The following SLC8B1 variants were observed in gnomAD, a reference collection of about 807,000 sequenced individuals.
SLC8B1 encodes mitochondrial sodium/calcium exchanger protein.
A neutral mutation model predicts 63.4 loss-of-function variants in SLC8B1; 52 were observed. The ratio of observed to expected loss-of-function variants is 0.82; its 90% CI spans 0.66 to 1.03. The LOEUF (loss-of-function observed/expected upper bound fraction) is 1.03. Among genes scored for constraint, SLC8B1 ranks in the 50% least tolerant of loss-of-function variants. The probability of loss-of-function intolerance (pLI) is 0.00; values close to 1 mark genes in which losing one functional copy is unlikely to be tolerated. For missense variants in SLC8B1, 657 were observed against 741.7 expected (o/e 0.89, Z 1.33); for synonymous variants, 336 against 323.9 (o/e 1.04, Z -0.40).
At chr12:113,302,714 A>T (rs1243541592) in intron 15 of SLC8B1, 2 of 455,968 alleles carry the variant, frequency 4.4e-6, no homozygotes, top group East Asian at 1.4e-4. Context: ...CAACCCACAG[A>T]TGAAGAAACT....
At chr12:113,323,607 G>A (rs569111855) in intron 2 of SLC8B1, among the ~76,000 whole-genome samples, 2 of 152,220 alleles carry the variant, frequency 1.3e-5, no homozygotes, top group East Asian at 3.9e-4. Context: ...TACTCAGGAG[G>A]CTGAAGCAGG....
At chr12:113,302,758 C>T (rs1956607875) in intron 15 of SLC8B1, 1 of 455,952 alleles carries the variant, frequency 2.2e-6, no homozygotes, top group Non-Finnish European at 4.4e-6. Context: ...AATCCAAGTG[C>T]AAGCTCTTAA....
intron 15 of SLC8B1, among the ~76,000 whole-genome samples, chr12:113,303,088 T>A (rs1234102350): frequency 8.5e-6 from 1 of 117,584 alleles, no homozygotes; most frequent in African/African-American, 3.8e-5. Flanking sequence ...ACACACACAC[T>A]TCCTAAACTC....
In SLC8B1 at chr12:113,307,384, C is replaced by T. The variant is rs1272378247; in HGVS notation, c.1411+307G>A. Among the ~76,000 whole-genome samples, 3 of 152,180 alleles carry T rather than the reference C, an allele frequency of 2.0e-5. No homozygotes were observed. The East Asian group carries it at 5.8e-4, about 29-fold the overall frequency. On this transcript the variant is annotated intron_variant, in intron 13 of 15. Coordinates refer to ENST00000680972, the MANE Select transcript of SLC8B1 (RefSeq NM_001358345.2). ...TGTGAATGCCTGCATGTCACACACC[C>T]GTGTACACATCAAGCACGGCCGGCT...
At chr12:113,307,135 A>C (rs1443286283) in intron 13 of SLC8B1, among the ~76,000 whole-genome samples, 4 of 146,042 alleles carry the variant, frequency 2.7e-5, no homozygotes, top group Middle Eastern at 3.5e-3. Context: ...AAAAAAAAAA[A>C]AAAAAAAAAA....
Position 113,320,775 on chromosome 12 carries a change from T to TA in SLC8B1, c.420+74dup. 6.3e-7 allele frequency: 1 copy of TA among 1,575,920 alleles called. No individual in the cohort carries two copies. Among genetic ancestry groups the TA allele is most frequent in the Non-Finnish European group, 8.6e-7 (1 of 1,160,018 alleles). On this transcript the variant is annotated intron_variant, in intron 5 of 15. Transcript: ENST00000680972. The surrounding 1 kb of genome is among the most constrained non-coding windows in gnomAD (Gnocchi z 5.3). ...ATCCCCCAGCTTCCCCACACGGGGA[T>TA]AGACATGACCCTATCTCCCAGCCTC...
rs1041568467 is a variant in SLC8B1 at position 113,310,244 on chromosome 12, C to T, written c.1247G>A (p.Arg416Lys). Residue 416 changes from arginine to lysine, a missense_variant, in exon 12 of 16, where the codon AGG becomes AAG. Transcript: ENST00000680972. ...FFATSDSQPPRLHWLFAFLGF... is the reference protein window; with the variant it reads ...FFATSDSQPPKLHWLFAFLGF... ...ACCCGGGCTTCTTACCCAGTGAAGCCTGGGGGGCTGGCTGTCAGATGTGGC... is the reference window on the plus strand; with the variant it reads ...ACCCGGGCTTCTTACCCAGTGAAGCTTGGGGGGCTGGCTGTCAGATGTGGC... The T allele has an allele frequency of 3.1e-6, 5 of 1,613,670 alleles. No individual in the cohort carries two copies. Among genetic ancestry groups the T allele is most frequent in the Admixed American group, 1.7e-5 (1 of 59,944 alleles).
chr12:113,311,738 G>A (rs1956765460), intron 11 of SLC8B1, among the ~76,000 whole-genome samples: 1 of 120,670 alleles, frequency 8.3e-6, no homozygotes, highest in Non-Finnish European at 1.6e-5. Context: ...GGGTCTCGAT[G>A]TATCAACCAG....
intron 8 of SLC8B1, among the ~76,000 whole-genome samples, chr12:113,318,123 ATC>A (rs1280097092): frequency 5.3e-5 from 8 of 151,506 alleles, no homozygotes; most frequent in Non-Finnish European, 1.2e-4. Context: ...TGTGTTGTGT[ATC>A]TGTGTATGTT....
intron 2 of SLC8B1, among the ~76,000 whole-genome samples, chr12:113,325,937 A>T (rs1197510118): frequency 6.6e-6 from 1 of 152,108 alleles, no homozygotes; most frequent in Non-Finnish European, 1.5e-5. Context: ...CATTTGTGTT[A>T]ATGGCTGCTT....
At chr12:113,329,362 C>T (rs1174044062) in intron 2 of SLC8B1, among the ~76,000 whole-genome samples, 3 of 152,164 alleles carry the variant, frequency 2.0e-5, no homozygotes, top group African/African-American at 7.2e-5. Context: ...CAGGGGCAGC[C>T]TCCATTTCCT....
At chr12:113,321,458 C>T (rs1476352921) in intron 2 of SLC8B1, 110 bp from the exon 3 acceptor site, 3 of 1,421,570 alleles carry the variant, frequency 2.1e-6, no homozygotes, top group Non-Finnish European at 2.9e-6. Flanking sequence ...TCTCCAAGGC[C>T]ACCATACCCT....
intron 2 of SLC8B1, among the ~76,000 whole-genome samples, chr12:113,322,494 C>G (rs1481987891): frequency 1.3e-5 from 2 of 152,190 alleles, no homozygotes; most frequent in African/African-American, 4.8e-5. Context: ...ACATGACTCT[C>G]TGAGCACATA....
intron 1 of SLC8B1, among the ~76,000 whole-genome samples, chr12:113,333,518 C>T (rs922604700): frequency 7.2e-5 from 11 of 152,130 alleles, no homozygotes; most frequent in African/African-American, 1.9e-4. Context: ...CACGACATGC[C>T]GAGCGGGGGT....
chr12:113,329,859 A>T (rs944832316), intron 2 of SLC8B1, among the ~76,000 whole-genome samples: 5 of 152,082 alleles, frequency 3.3e-5, no homozygotes, highest in Non-Finnish European at 4.4e-5. Context: ...ACTGACAGCC[A>T]AGTCTACAGT....
chr12:113,306,908 C>A, intron 13 of SLC8B1: 1 of 385,770 alleles, frequency 2.6e-6, no homozygotes. Flanking sequence ...GTCAGGAGTT[C>A]GAGACCAGCC....
At chr12:113,328,442 A>AG in intron 2 of SLC8B1, among the ~76,000 whole-genome samples, 1 of 152,220 alleles carries the variant, frequency 6.6e-6, no homozygotes, top group African/African-American at 2.4e-5. Flanking sequence ...ATCTTACCAG[A>AG]GGGGCTCTTT....
chr12:113,313,339 A>G (rs1286325414), intron 11 of SLC8B1, among the ~76,000 whole-genome samples: 1 of 152,186 alleles, frequency 6.6e-6, no homozygotes, highest in Non-Finnish European at 1.5e-5. Flanking sequence ...AAAAAAAAAA[A>G]AAAGTCTGAA....
chr12:113,315,372 G>A lies in SLC8B1; in HGVS notation c.1098C>T (p.Ser366=), dbSNP rs377257713. The A allele has an allele frequency of 3.5e-5, 55 of 1,558,706 alleles. No individual in the cohort carries two copies. The African/African-American group carries it at 5.2e-4, about 15-fold the overall frequency. Residue 366 remains serine (S), a synonymous_variant, in exon 11 of 16, where the codon AGC becomes AGT. Coordinates refer to ENST00000680972, the MANE Select transcript of SLC8B1 (RefSeq NM_001358345.2). ...RPLNCLHLVI[S]PLVVVLTLQS... is the part of the protein sequence containing the mutation. ...GCAGGGTCAGGACCACAACCAGGGG[G>A]CTGATAACCAGATGCAGACAGTTGA...
Sources: allele counts gnomAD v4.1 joint callset (sites outside exome capture counted in the v4.1 genomes callset), GRCh38; gene constraint gnomAD v4.1.1; non-coding constraint Gnocchi (gnomAD v3.1); transcripts MANE v1.5; gene names NCBI Gene and HGNC (gene_info 2026-07-23, HGNC 2026-07-21).